The following GABRG3 variants were observed in gnomAD, a reference collection of about 807,000 sequenced individuals.
GABRG3 encodes gamma-aminobutyric acid type A receptor subunit gamma3.
GABRG3 carries 25 observed loss-of-function variants against 48.8 expected under a neutral mutation model. The ratio of observed to expected loss-of-function variants is 0.51; its 90% CI spans 0.37 to 0.72. The LOEUF is 0.72. GABRG3 is among the 30% of genes least tolerant of loss of function. The pLI, the probability that GABRG3 is intolerant of heterozygous loss-of-function variation, is 0.00. For synonymous variants in GABRG3, 227 were observed against 217.6 expected, an observed-to-expected ratio of 1.04 and a Z score of -0.38; for missense variants, 394 against 577.9, an observed-to-expected ratio of 0.68 and a Z score of 3.26.
chr15:27,478,816 A>G (rs563634474), intron 5 of GABRG3, among the ~76,000 whole-genome samples: 2 of 152,368 alleles, frequency 1.3e-5, no homozygotes, highest in Admixed American at 6.5e-5. Flanking sequence ...TTGGCAATAA[A>G]TGAGAATGGA....
At chr15:27,321,118 C>T (rs1015338375) in intron 3 of GABRG3, among the ~76,000 whole-genome samples, 43 of 152,182 alleles carry the variant, frequency 2.8e-4, no homozygotes, top group African/African-American at 7.5e-4. Flanking sequence ...GGTCTGGGGA[C>T]CAGATGTGGC....
At chr15:27,133,148 A>G (rs545818743) in intron 3 of GABRG3, among the ~76,000 whole-genome samples, 5 of 151,882 alleles carry the variant, frequency 3.3e-5, no homozygotes, top group Non-Finnish European at 7.4e-5. Context: ...GTTTTATTCT[A>G]TTATTGAGAT....
At position 27,532,993 on chromosome 15, in the gene GABRG3, T is replaced by C; in HGVS notation, c.*112T>C. 1.0e-6 allele frequency: 1 copy of C among 1,000,430 alleles called. No individual in the cohort carries two copies. The highest frequency in any genetic ancestry group is 1.4e-6 in the Non-Finnish European group (1 of 691,824). The allele number at this position is 1,000,430 out of a possible 1,614,324, so 62.0% of individuals were successfully genotyped here. A position where few individuals can be genotyped will look rare whatever the true frequency, so the allele number is the denominator to read the frequency against. On this transcript the variant is annotated 3_prime_UTR_variant, in exon 10 of 10. Transcript: ENST00000615808. ...GCAAGGAAGGACACTGCCCAGTGTA[T>C]CTTGTTATAAATGACCTTTCAGCAA...
intron 3 of GABRG3, among the ~76,000 whole-genome samples, chr15:27,258,981 A>G (rs1043030433): frequency 7.9e-5 from 12 of 152,110 alleles, no homozygotes; most frequent in African/African-American, 2.9e-4. Context: ...TAGCCTCCAC[A>G]TTTACATGAA....
rs147047828 is a variant in GABRG3 at position 27,541,784 on chromosome 15, C to A, written c.*8903C>A. 0.027 allele frequency: 4,041 copies of A among 152,260 alleles called. 60 individuals are homozygous for A. The highest frequency in any genetic ancestry group is 0.036 in the Admixed American group (548 of 15,304). The allele number at this position is 152,260 out of a possible 1,614,324, so 9.4% of individuals were successfully genotyped here. On this transcript the variant is annotated 3_prime_UTR_variant, in exon 10 of 10. Coordinates refer to ENST00000615808, the MANE Select transcript of GABRG3 (RefSeq NM_033223.5). Reference sequence around the variant, plus strand: ...AGGACGTGGCTCCCCGCTATCCGTGCGGCTCGTGGTGTCCTAGTGAAATGA... The same window carrying A: ...AGGACGTGGCTCCCCGCTATCCGTGAGGCTCGTGGTGTCCTAGTGAAATGA...
At position 27,533,822 on chromosome 15, in the gene GABRG3, G is replaced by C. The variant is rs1250893393; in HGVS notation, c.*941G>C. The C allele has an allele frequency of 3.3e-5, 5 of 152,038 alleles. No individual in the cohort carries two copies. Among genetic ancestry groups the C allele is most frequent in the African/African-American group, 9.7e-5 (4 of 41,404 alleles). 9.4% of individuals were successfully genotyped at this position (152,038 alleles called of 1,614,324 possible). A position where few individuals can be genotyped will look rare whatever the true frequency, so the allele number is the denominator to read the frequency against. ...TACACCGGAATGTGAAAGACATGTA[G>C]ATAAAATTTTATTTTTATTTTATTT... is the stretch of plus-strand genomic sequence containing the variant. On this transcript the variant is annotated 3_prime_UTR_variant, in exon 10 of 10. Coordinates refer to ENST00000615808, the MANE Select transcript of GABRG3 (RefSeq NM_033223.5).
intron 2 of GABRG3, among the ~76,000 whole-genome samples, chr15:27,023,053 A>G (rs887420599): frequency 2.0e-5 from 3 of 152,220 alleles, no homozygotes; most frequent in Non-Finnish European, 1.5e-5. Context: ...CTTCTCAGAC[A>G]TACTAATTCT....
intron 3 of GABRG3, among the ~76,000 whole-genome samples, chr15:27,238,315 A>G (rs1204647693): frequency 1.3e-5 from 2 of 152,194 alleles, no homozygotes; most frequent in Admixed American, 6.5e-5. Context: ...CCTAACGCCC[A>G]CCGGCCAGAG....
chr15:27,096,524 T>C (rs1897267589), intron 3 of GABRG3, among the ~76,000 whole-genome samples: 1 of 152,264 alleles, frequency 6.6e-6, no homozygotes, highest in Admixed American at 6.5e-5. Flanking sequence ...CAAGGATCTC[T>C]GCACAAGGCA....
chr15:27,432,009 T>C (rs2140623833), intron 5 of GABRG3, among the ~76,000 whole-genome samples: 1 of 152,308 alleles, frequency 6.6e-6, no homozygotes, highest in East Asian at 1.9e-4. Flanking sequence ...AGAACATACA[T>C]AGCATGGTCT....
At chr15:27,219,283 G>A (rs185900830) in intron 3 of GABRG3, among the ~76,000 whole-genome samples, 16 of 152,298 alleles carry the variant, frequency 1.1e-4, no homozygotes, top group Middle Eastern at 3.4e-3. Flanking sequence ...CTGGCCTTGG[G>A]GCGGGCTGGG....
Position 27,297,597 on chromosome 15 carries a change from T to C in GABRG3, c.271-29212T>C, listed in dbSNP as rs958741754. On this transcript the variant is annotated intron_variant, in intron 3 of 9. Transcript: ENST00000615808. ...GCTAGGAGCAACAGGCTATACCACA[T>C]AACCTAGGTTTGTAGAAGGCTATAC... is the stretch of plus-strand genomic sequence containing the variant. Among the ~76,000 whole-genome samples, 20 of 147,816 alleles carry C rather than the reference T, an allele frequency of 1.4e-4. No individual in the cohort carries two copies. The East Asian group carries it at 3.9e-3, about 29-fold the overall frequency.
intron 3 of GABRG3, among the ~76,000 whole-genome samples, chr15:27,290,554 T>A (rs1441692624): frequency 1.3e-5 from 2 of 151,966 alleles, no homozygotes; most frequent in East Asian, 3.9e-4. Flanking sequence ...TGCACCTCTG[T>A]GTATCCCCCC....
chr15:27,191,365 CTT>C (rs547838062), intron 3 of GABRG3, among the ~76,000 whole-genome samples: 25 of 152,140 alleles, frequency 1.6e-4, no homozygotes, highest in African/African-American at 6.0e-4. Flanking sequence ...GTCTAAGTCT[CTT>C]TGTAGGTCAC....
At chr15:27,391,841 T>C (rs1033376171) in intron 5 of GABRG3, among the ~76,000 whole-genome samples, 7 of 152,198 alleles carry the variant, frequency 4.6e-5, no homozygotes, top group African/African-American at 1.4e-4. Flanking sequence ...GGCAGTGTTG[T>C]TCGCTAACCA....
At chr15:27,303,788 A>G (rs1204777405) in intron 3 of GABRG3, among the ~76,000 whole-genome samples, 1 of 151,420 alleles carries the variant, frequency 6.6e-6, no homozygotes, top group Non-Finnish European at 1.5e-5. Context: ...ATGTATATAC[A>G]TATATCTATT....
chr15:27,222,016 A>C (rs28655747), intron 3 of GABRG3, among the ~76,000 whole-genome samples: 1 of 152,034 alleles, frequency 6.6e-6, no homozygotes, highest in South Asian at 2.1e-4. Context: ...AATCTTTAAT[A>C]TATTCTTTCT....
intron 3 of GABRG3, among the ~76,000 whole-genome samples, chr15:27,237,070 A>G (rs1305052823): frequency 6.6e-6 from 1 of 152,256 alleles, no homozygotes; most frequent in Non-Finnish European, 1.5e-5. Context: ...ACTCTGAATC[A>G]TTCAGCCATT....
At chr15:26,999,574 A>AGG (rs1161177660) in intron 2 of GABRG3, among the ~76,000 whole-genome samples, 1 of 152,136 alleles carries the variant, frequency 6.6e-6, no homozygotes, top group African/African-American at 2.4e-5. Flanking sequence ...AATGTGCCTT[A>AGG]GGGTAGTATT....
Sources: allele counts gnomAD v4.1 joint callset (sites outside exome capture counted in the v4.1 genomes callset), GRCh38; gene constraint gnomAD v4.1.1; transcripts MANE v1.5; gene names NCBI Gene and HGNC (gene_info 2026-07-23, HGNC 2026-07-21).